PRKN: variants seen among roughly 807,000 people sequenced by gnomAD.
PRKN encodes parkin RBR E3 ubiquitin protein ligase, also known as E3 ubiquitin-protein ligase parkin.
PRKN carries 56 observed loss-of-function variants against 59.5 expected under a neutral mutation model. The observed-to-expected ratio is 0.94, with a 90% confidence interval of 0.76 to 1.18. The LOEUF (loss-of-function observed/expected upper bound fraction) is 1.18. Ranked by LOEUF, PRKN falls within the 50% of genes most tolerant of loss-of-function variation. The pLI is 0.00. For missense variants in PRKN, 657 were observed against 596.4 expected (o/e 1.10, Z -1.06); for synonymous variants, 250 against 222.1 (o/e 1.13, Z -1.12).
At chr6:162,381,260 A>G (rs914121086) in intron 2 of PRKN, among the ~76,000 whole-genome samples, 1 of 152,134 alleles carries the variant, frequency 6.6e-6, no homozygotes. Context: ...ATGCAGCAAT[A>G]AATAGAAATT....
At chr6:162,430,190 T>A (rs910722086) in intron 2 of PRKN, among the ~76,000 whole-genome samples, 3 of 137,596 alleles carry the variant, frequency 2.2e-5, no homozygotes, top group East Asian at 2.2e-4. Context: ...GATGATGATG[T>A]TAAAATCACA....
At chr6:162,052,331 T>A (rs1777677156) in intron 5 of PRKN, among the ~76,000 whole-genome samples, 1 of 152,168 alleles carries the variant, frequency 6.6e-6, no homozygotes, top group African/African-American at 2.4e-5. Flanking sequence ...GACTGGATAT[T>A]TCCAATCGTT....
intron 1 of PRKN, among the ~76,000 whole-genome samples, chr6:162,583,115 G>A (rs1159721130): frequency 1.3e-5 from 2 of 152,112 alleles, no homozygotes; most frequent in Non-Finnish European, 2.9e-5. Flanking sequence ...CCCTCGCTCA[G>A]GAGGACAGGA....
At chr6:162,020,961 G>C (rs1049905787) in intron 5 of PRKN, among the ~76,000 whole-genome samples, 4 of 150,964 alleles carry the variant, frequency 2.6e-5, no homozygotes, top group Non-Finnish European at 4.4e-5. Context: ...AAATTAGCCG[G>C]GCATGGTGGT....
At chr6:161,516,477 AAAAAAAAAAAAAAAAAG>A (rs1778595484) in intron 9 of PRKN, among the ~76,000 whole-genome samples, 2 of 117,148 alleles carry the variant, frequency 1.7e-5, no homozygotes, top group Admixed American at 8.2e-5. Context: ...TAAAAAAAAA[AAAAAAAAAAAAAAAAAG>A]AAGAAGAAGA....
At chr6:162,540,366 C>T (rs576064582) in intron 1 of PRKN, among the ~76,000 whole-genome samples, 1 of 152,182 alleles carries the variant, frequency 6.6e-6, no homozygotes, top group Non-Finnish European at 1.5e-5. Context: ...AGCCACCATG[C>T]CCGGCCATGA....
rs1035645903 is a variant in PRKN, at chr6:161,613,064, G to A, written c.872-43648C>T. Among the ~76,000 whole-genome samples, 14 of 152,208 alleles carry A rather than the reference G, an allele frequency of 9.2e-5. 1 individual carries two copies. The highest frequency in any genetic ancestry group is 3.4e-4 in the African/African-American group (14 of 41,534). Reference sequence around the variant, plus strand: ...TAGCTGCCATAAAAAGTCCTCTGATGGATCTGGGCAAAGTACACTGAAAAC... The same window carrying A: ...TAGCTGCCATAAAAAGTCCTCTGATAGATCTGGGCAAAGTACACTGAAAAC... On this transcript the variant is annotated intron_variant, in intron 7 of 11. Transcript: ENST00000366898.
Position 161,526,653 on chromosome 6 carries a change from T to C in PRKN, c.1083+22201A>G, listed in dbSNP as rs1583190065. Among the ~76,000 whole-genome samples the C allele has an allele frequency of 6.6e-6, 1 of 151,872 alleles. No individual in the cohort carries two copies. Among genetic ancestry groups the C allele is most frequent in the South Asian group, 2.1e-4 (1 of 4,812 alleles). On this transcript the variant is annotated intron_variant, in intron 9 of 11. Coordinates refer to ENST00000366898, the MANE Select transcript of PRKN (RefSeq NM_004562.3). The surrounding 1 kb of genome is among the most constrained non-coding windows in gnomAD (Gnocchi z 4.1). ...ATTGCTACATGAGGAGCAAACCCTC[T>C]GATATAATTTTACATTTACTCATCC...
chr6:161,908,089 AACG>A (rs1778215402), intron 6 of PRKN, among the ~76,000 whole-genome samples: 1 of 147,700 alleles, frequency 6.8e-6, no homozygotes, highest in Non-Finnish European at 1.5e-5. Context: ...AACTAACAAC[AACG>A]ACAACAACAA....
chr6:162,082,603 A>C (rs1430110171), intron 4 of PRKN, among the ~76,000 whole-genome samples: 2 of 152,038 alleles, frequency 1.3e-5, no homozygotes, highest in Non-Finnish European at 2.9e-5. Flanking sequence ...AATGTTTTCC[A>C]CAAGAGGCCT....
chr6:162,596,908 C>T (rs894060046), intron 1 of PRKN, among the ~76,000 whole-genome samples: 1 of 152,120 alleles, frequency 6.6e-6, no homozygotes, highest in Non-Finnish European at 1.5e-5. Context: ...CCGCCACCTC[C>T]TACATACAAG....
intron 1 of PRKN, among the ~76,000 whole-genome samples, chr6:162,702,399 C>G (rs1359249044): frequency 6.6e-6 from 1 of 152,080 alleles, no homozygotes; most frequent in African/African-American, 2.4e-5. Context: ...TAATTAACAG[C>G]TAATAATATG....
intron 1 of PRKN, among the ~76,000 whole-genome samples, chr6:162,557,838 C>T (rs1234820645): frequency 6.6e-6 from 1 of 152,052 alleles, no homozygotes; most frequent in Non-Finnish European, 1.5e-5. Flanking sequence ...AGTATCTATC[C>T]TTGACAATAT....
At chr6:162,701,665 C>T (rs1584077371) in intron 1 of PRKN, among the ~76,000 whole-genome samples, 1 of 151,924 alleles carries the variant, frequency 6.6e-6, no homozygotes, top group East Asian at 1.9e-4. Flanking sequence ...CAACAAGCTT[C>T]CAAGATTGGA....
At chr6:162,020,391 C>T (rs894449037) in intron 5 of PRKN, among the ~76,000 whole-genome samples, 6 of 138,670 alleles carry the variant, frequency 4.3e-5, no homozygotes, top group African/African-American at 1.3e-4. Flanking sequence ...CAAATGATGT[C>T]TGAAAAGAGC....
chr6:161,578,957 T>C lies in PRKN; in HGVS notation c.872-9541A>G, dbSNP rs905238994. 1.3e-5 allele frequency among the ~76,000 whole-genome samples: 2 copies of C among 152,230 alleles called. No individual in the cohort carries two copies. The highest frequency in any genetic ancestry group is 6.5e-5 in the Admixed American group (1 of 15,286). On this transcript the variant is annotated intron_variant, in intron 7 of 11. Coordinates refer to ENST00000366898, the MANE Select transcript of PRKN (RefSeq NM_004562.3). The surrounding 1 kb of genome is among the most constrained non-coding windows in gnomAD (Gnocchi z 4.2). ...ATTTTGAGTGATTGTGATGATACAT[T>C]TTACAGGGCAAGTGTTTTCAACATC...
intron 6 of PRKN, among the ~76,000 whole-genome samples, chr6:161,881,121 C>T (rs1794919512): frequency 6.6e-6 from 1 of 152,192 alleles, no homozygotes; most frequent in Non-Finnish European, 1.5e-5. Context: ...GCCCTCTACC[C>T]CATACTCAGG....
intron 2 of PRKN, among the ~76,000 whole-genome samples, chr6:162,360,597 C>CA (rs1353675986): frequency 2.6e-5 from 4 of 151,904 alleles, no homozygotes; most frequent in African/African-American, 9.6e-5. Context: ...AAAAAACAAA[C>CA]AAAAAAACCA....
intron 2 of PRKN, among the ~76,000 whole-genome samples, chr6:162,289,497 C>T (rs1297830117): frequency 1.3e-5 from 2 of 151,628 alleles, no homozygotes; most frequent in Admixed American, 6.6e-5. Context: ...CTCAGCAGTT[C>T]GAGACCATGG....
Sources: allele counts gnomAD v4.1 joint callset (sites outside exome capture counted in the v4.1 genomes callset), GRCh38; gene constraint gnomAD v4.1.1; non-coding constraint Gnocchi (gnomAD v3.1); transcripts MANE v1.5; gene names NCBI Gene and HGNC (gene_info 2026-07-23, HGNC 2026-07-21).